SCAF8: variants seen among roughly 807,000 people sequenced by gnomAD.
The protein encoded by SCAF8 is SR-related CTD associated factor 8.
A neutral mutation model predicts 140.5 loss-of-function variants in SCAF8; 23 were observed. The observed-to-expected ratio is 0.16, with a 90% CI of 0.12 to 0.23. SCAF8 has a LOEUF of 0.23. SCAF8 is among the 10% of genes least tolerant of loss of function. SCAF8 has a pLI of 1.00. For missense variants in SCAF8, 1,397 were observed against 1,555.7 expected (o/e 0.90, Z 1.72); for synonymous variants, 575 against 528.9 (o/e 1.09, Z -1.20).
intron 12 of SCAF8, among the ~76,000 whole-genome samples, chr6:154,810,584 G>C (rs1361110125): frequency 2.0e-5 from 3 of 152,146 alleles, no homozygotes; most frequent in African/African-American, 7.2e-5. Context: ...CATATACTTA[G>C]CTATATCTAA....
chr6:154,792,312 A>T (rs185044342), intron 4 of SCAF8, among the ~76,000 whole-genome samples: 1 of 152,218 alleles, frequency 6.6e-6, no homozygotes, highest in African/African-American at 2.4e-5. Context: ...AATTTGATTA[A>T]ATTCTTACAT....
Position 154,832,886 on chromosome 6 carries a change from G to A in SCAF8, c.3307G>A (p.Glu1103Lys). Residue 1103 changes from glutamate to lysine, a missense_variant, in exon 20 of 20, where the codon GAG becomes AAG. Around this residue, in one of 5 missense-constraint regions of SCAF8, gnomAD observed 930 missense variants for 874.6 expected, o/e 1.06. Coordinates refer to ENST00000367178, the MANE Select transcript of SCAF8 (RefSeq NM_014892.5). ...WGHRGDFDER[E>K]HRVLPVYGGP... ...GCATAGAGGAGATTTTGATGAGAGA[G>A]AGCATCGGGTTCTACCGGTCTATGG... is the stretch of plus-strand genomic sequence containing the variant. 1.9e-6 allele frequency: 3 copies of A among 1,614,072 alleles called. No individual in the cohort carries two copies. The highest frequency in any genetic ancestry group is 2.5e-6 in the Non-Finnish European group (3 of 1,180,006).
intron 1 of SCAF8, among the ~76,000 whole-genome samples, chr6:154,741,773 T>TA (rs1341594700): frequency 2.6e-5 from 4 of 152,208 alleles, no homozygotes; most frequent in Admixed American, 2.6e-4. Context: ...TAGTTGTATG[T>TA]ACAATTTCAG....
chr6:154,794,628 A>T (rs72993446), intron 5 of SCAF8, among the ~76,000 whole-genome samples: 2,544 of 152,022 alleles, frequency 0.017, 26 homozygotes, highest in Non-Finnish European at 0.023. Flanking sequence ...AACATAGCAT[A>T]TATAGGGTTT....
chr6:154,827,829 CGGGGCGG>C (rs1778608959), intron 18 of SCAF8, among the ~76,000 whole-genome samples: 1 of 23,800 alleles, frequency 4.2e-5, no homozygotes, highest in Non-Finnish European at 1.1e-4. Context: ...TTTTTTGGGG[CGGGGCGG>C]GGGGGGGGGC....
intron 1 of SCAF8, among the ~76,000 whole-genome samples, chr6:154,754,558 T>A (rs1377920852): frequency 6.6e-6 from 1 of 152,224 alleles, no homozygotes; most frequent in Non-Finnish European, 1.5e-5. Context: ...ATCAATCTTA[T>A]CAGGCCATTC....
At chr6:154,801,821 A>G (rs561918355) in intron 6 of SCAF8, 150 bp from the exon 7 acceptor site, 123 of 506,512 alleles carry the variant, frequency 2.4e-4, no homozygotes, top group Admixed American at 6.9e-4. Context: ...AGGTACACAG[A>G]AAAACTTCAA....
chr6:154,733,759 C>A lies in SCAF8; in HGVS notation c.-142C>A. Reference sequence around the variant, plus strand: ...CCCCGCCAGCGCGTGCCCTTCCACTCCGCCCCGAGGTCGCAGCGGCCCGCT... The same window carrying A: ...CCCCGCCAGCGCGTGCCCTTCCACTACGCCCCGAGGTCGCAGCGGCCCGCT... On this transcript the variant is annotated 5_prime_UTR_variant, in exon 1 of 20. Transcript: ENST00000367178. The A allele has an allele frequency of 7.4e-7, 1 of 1,358,220 alleles. No individual in the cohort carries two copies. Among genetic ancestry groups the A allele is most frequent in the Non-Finnish European group, 9.4e-7 (1 of 1,060,452 alleles). The allele number at this position is 1,358,220 out of a possible 1,614,324, so 84.1% of individuals were successfully genotyped here.
intron 2 of SCAF8, among the ~76,000 whole-genome samples, chr6:154,777,252 A>G (rs1353066273): frequency 6.6e-6 from 1 of 152,136 alleles, no homozygotes; most frequent in Non-Finnish European, 1.5e-5. Flanking sequence ...ATACGCCAAT[A>G]TGGTATTGTT....
chr6:154,766,512 T>G (rs183788031), intron 1 of SCAF8, among the ~76,000 whole-genome samples: 37 of 152,224 alleles, frequency 2.4e-4, no homozygotes, highest in East Asian at 2.3e-3. Flanking sequence ...TGGCACTGCT[T>G]CTTCTGCTGC....
chr6:154,756,321 A>G (rs1310578363), intron 1 of SCAF8, among the ~76,000 whole-genome samples: 5 of 152,246 alleles, frequency 3.3e-5, no homozygotes, highest in Admixed American at 3.3e-4. Context: ...CTTCAAGATC[A>G]TTATTGAATT....
At chr6:154,818,384 T>C in intron 13 of SCAF8, 95 bp from the exon 14 acceptor site, 1 of 514,542 alleles carries the variant, frequency 1.9e-6, no homozygotes, top group Non-Finnish European at 3.4e-6. Context: ...ATTGAAGTAT[T>C]AGTAAGTAGT....
chr6:154,812,614 A>G lies in SCAF8; in HGVS notation c.1420+2406A>G, dbSNP rs575231550. ...TTTGTATTCTTTCTTAACACATTTT[A>G]AACATATGGTAGTGTTTTCATACGA... On this transcript the variant is annotated intron_variant, in intron 12 of 19. Coordinates refer to ENST00000367178, the MANE Select transcript of SCAF8 (RefSeq NM_014892.5). Among the ~76,000 whole-genome samples the G allele has an allele frequency of 9.8e-5, 15 of 152,302 alleles. No individual in the cohort carries two copies. In the South Asian group the frequency reaches 2.3e-3, roughly 23 times the overall value.
chr6:154,785,920 G>T (rs1562445090), intron 3 of SCAF8, among the ~76,000 whole-genome samples: 1 of 152,146 alleles, frequency 6.6e-6, no homozygotes, highest in African/African-American at 2.4e-5. Context: ...TTGAAAAATG[G>T]TATATCTATA....
chr6:154,783,482 C>G (rs1463922130), intron 3 of SCAF8, among the ~76,000 whole-genome samples: 4 of 152,120 alleles, frequency 2.6e-5, no homozygotes, highest in Non-Finnish European at 4.4e-5. Flanking sequence ...TGATTACCTT[C>G]TTCAAATTTC....
intron 3 of SCAF8, among the ~76,000 whole-genome samples, chr6:154,780,618 G>A (rs1411451870): frequency 6.6e-6 from 1 of 151,842 alleles, no homozygotes; most frequent in African/African-American, 2.4e-5. Context: ...TGAGAACATG[G>A]GATCTTTGGT....
chr6:154,734,042 AG>A, intron 1 of SCAF8, 112 bp downstream of exon 1: 1 of 1,396,284 alleles, frequency 7.2e-7, no homozygotes. Flanking sequence ...GGGTGGGGTG[AG>A]CGGTGGCCTA....
intron 18 of SCAF8, among the ~76,000 whole-genome samples, chr6:154,829,938 T>G (rs1400703839): frequency 6.6e-6 from 1 of 152,184 alleles, no homozygotes; most frequent in Non-Finnish European, 1.5e-5. Context: ...TCTTTCTTTT[T>G]GTTATTGTTG....
chr6:154,780,324 A>G (rs1777049631), intron 3 of SCAF8, among the ~76,000 whole-genome samples: 1 of 151,470 alleles, frequency 6.6e-6, no homozygotes, highest in African/African-American at 2.4e-5. Context: ...AGATCTAACC[A>G]AGTTGTTGCA....
Sources: allele counts gnomAD v4.1 joint callset (sites outside exome capture counted in the v4.1 genomes callset), GRCh38; gene constraint gnomAD v4.1.1; regional missense constraint gnomAD v4.1.1; transcripts MANE v1.5; gene names NCBI Gene and HGNC (gene_info 2026-07-23, HGNC 2026-07-21).